The following ZFAND3 variants were observed in gnomAD, a reference collection of about 807,000 sequenced individuals.
ZFAND3 encodes AN1-type zinc finger protein 3.
A neutral mutation model predicts 29.6 loss-of-function variants in ZFAND3; 10 were observed. The ratio of observed to expected loss-of-function variants is 0.34; its 90% CI spans 0.21 to 0.57. ZFAND3 has a LOEUF of 0.57. ZFAND3 is among the 20% of genes least tolerant of loss of function. The pLI, the probability that ZFAND3 is intolerant of heterozygous loss-of-function variation, is 0.86. For missense variants in ZFAND3, 230 were observed against 304.5 expected, an observed-to-expected ratio of 0.76 and a Z score of 1.82; for synonymous variants, 128 against 112.6, an observed-to-expected ratio of 1.14 and a Z score of -0.87.
chr6:37,874,333 C>T (rs757580122), intron 1 of ZFAND3, among the ~76,000 whole-genome samples: 4 of 152,006 alleles, frequency 2.6e-5, no homozygotes, highest in African/African-American at 4.8e-5. Context: ...CTGATCAACA[C>T]GGAGAAACCT....
chr6:38,005,871 A>G (rs750139260), intron 2 of ZFAND3, among the ~76,000 whole-genome samples: 5 of 152,230 alleles, frequency 3.3e-5, no homozygotes, highest in Non-Finnish European at 7.3e-5. Context: ...TTCAGGGGAC[A>G]TCAGCACATA....
chr6:37,881,697 G>C (rs758086070), intron 1 of ZFAND3, among the ~76,000 whole-genome samples: 3 of 152,064 alleles, frequency 2.0e-5, no homozygotes, highest in Non-Finnish European at 4.4e-5. Flanking sequence ...CTAAAAATAC[G>C]AATTTTTAGT....
At chr6:37,847,587 G>C (rs1258323870) in intron 1 of ZFAND3, among the ~76,000 whole-genome samples, 1 of 152,170 alleles carries the variant, frequency 6.6e-6, no homozygotes, top group East Asian at 1.9e-4. Context: ...TAGACAATCA[G>C]AGTACTATTG....
intron 1 of ZFAND3, among the ~76,000 whole-genome samples, chr6:37,912,766 A>G (rs1349399051): frequency 6.6e-6 from 1 of 152,232 alleles, no homozygotes; most frequent in Non-Finnish European, 1.5e-5. Flanking sequence ...TTGAAAAACT[A>G]GTAAATAGTC....
At chr6:38,022,264 T>C (rs1463310723) in intron 2 of ZFAND3, among the ~76,000 whole-genome samples, 3 of 152,224 alleles carry the variant, frequency 2.0e-5, no homozygotes, top group Admixed American at 6.5e-5. Context: ...AAAATCAGCA[T>C]CTATTATACT....
At chr6:38,147,902 G>A in intron 5 of ZFAND3, among the ~76,000 whole-genome samples, 1 of 152,020 alleles carries the variant, frequency 6.6e-6, no homozygotes, top group Non-Finnish European at 1.5e-5. Flanking sequence ...TTCCCATTTG[G>A]CAGGTTTTCT....
At chr6:38,092,114 G>C (rs1303607818) in intron 4 of ZFAND3, among the ~76,000 whole-genome samples, 1 of 152,154 alleles carries the variant, frequency 6.6e-6, no homozygotes, top group Non-Finnish European at 1.5e-5. Flanking sequence ...CCCTCGAGAA[G>C]GATCTTCAGA....
intron 2 of ZFAND3, among the ~76,000 whole-genome samples, chr6:37,971,350 G>A (rs530429758): frequency 1.1e-4 from 17 of 152,282 alleles, no homozygotes; most frequent in Admixed American, 8.5e-4. Context: ...AGGTTGGCCA[G>A]TGTCTCACTA....
Position 37,881,008 on chromosome 6 carries a change from TAAAA to T in ZFAND3, c.72-48939_72-48936del, listed in dbSNP as rs59495173. Among the ~76,000 whole-genome samples the T allele has an allele frequency of 6.4e-3, 920 of 143,502 alleles. 9 individuals carry two copies. Among genetic ancestry groups the T allele is most frequent in the African/African-American group, 0.021 (848 of 40,148 alleles). 94.1% of individuals were successfully genotyped at this position (143,502 alleles called of 152,430 possible). ...CACATGTACCCTAAAACTTAGAGTA[TAAAA>T]AAAAAAAAAAATACTCTTCAAGGGA... On this transcript the variant is annotated intron_variant, in intron 1 of 5. Coordinates refer to ENST00000287218, the MANE Select transcript of ZFAND3 (RefSeq NM_021943.3).
intron 2 of ZFAND3, among the ~76,000 whole-genome samples, chr6:37,943,226 C>T (rs1487660731): frequency 6.6e-6 from 1 of 152,106 alleles, no homozygotes; most frequent in African/African-American, 2.4e-5. Flanking sequence ...TTTGAAGAGA[C>T]GATCATTGTA....
At chr6:38,100,276 A>G (rs555787778) in intron 4 of ZFAND3, among the ~76,000 whole-genome samples, 1 of 152,108 alleles carries the variant, frequency 6.6e-6, no homozygotes, top group East Asian at 1.9e-4. Context: ...GTTGGCCAGG[A>G]TGGTCTCGAT....
At chr6:37,875,321 A>G (rs1764771865) in intron 1 of ZFAND3, among the ~76,000 whole-genome samples, 1 of 152,242 alleles carries the variant, frequency 6.6e-6, no homozygotes, top group East Asian at 1.9e-4. Context: ...TTTTGTAGAG[A>G]TGCTTTTAAG....
At chr6:38,139,625 A>G (rs1355008887) in intron 5 of ZFAND3, among the ~76,000 whole-genome samples, 3 of 152,176 alleles carry the variant, frequency 2.0e-5, no homozygotes, top group Non-Finnish European at 4.4e-5. Context: ...CAGGGTTGAG[A>G]TCGTGCTTCA....
intron 1 of ZFAND3, among the ~76,000 whole-genome samples, chr6:37,891,939 G>C (rs1765113103): frequency 6.6e-6 from 1 of 152,070 alleles, no homozygotes; most frequent in South Asian, 2.1e-4. Flanking sequence ...GTGTTGCCCA[G>C]GTTAGTCTCG....
intron 2 of ZFAND3, among the ~76,000 whole-genome samples, chr6:38,025,785 A>G (rs1763436001): frequency 6.6e-6 from 1 of 152,224 alleles, no homozygotes; most frequent in African/African-American, 2.4e-5. Flanking sequence ...TGTATGTTGT[A>G]TGATTTCACT....
intron 1 of ZFAND3, among the ~76,000 whole-genome samples, chr6:37,863,109 C>T (rs772202066): frequency 6.6e-6 from 1 of 152,144 alleles, no homozygotes; most frequent in East Asian, 1.9e-4. Flanking sequence ...CTGATTCCTG[C>T]GCTGACACTT....
chr6:38,152,180 C>T (rs925836403), intron 5 of ZFAND3, 55 bp from the exon 6 acceptor site: 24 of 1,440,314 alleles, frequency 1.7e-5, no homozygotes, highest in East Asian at 2.5e-5. Flanking sequence ...TGAGGCTCTG[C>T]GCACTTGGAG....
intron 2 of ZFAND3, among the ~76,000 whole-genome samples, chr6:37,985,968 C>T (rs779489644): frequency 6.6e-6 from 1 of 152,188 alleles, no homozygotes; most frequent in Non-Finnish European, 1.5e-5. Context: ...GTGCTAAAAG[C>T]ATTTTGTTGC....
chr6:37,988,558 T>G (rs1294200766), intron 2 of ZFAND3, among the ~76,000 whole-genome samples: 4 of 152,224 alleles, frequency 2.6e-5, no homozygotes, highest in Non-Finnish European at 5.9e-5. Flanking sequence ...TTTATAAGCT[T>G]ACTGTTTTTT....
Sources: gnomAD v4.1 joint callset for allele counts (sites outside exome capture counted in the v4.1 genomes callset) on GRCh38, gnomAD v4.1.1 for gene constraint, MANE v1.5 for transcripts, NCBI Gene and HGNC (gene_info 2026-07-23, HGNC 2026-07-21) for gene names.